CCDC178: variants seen among roughly 807,000 people sequenced by gnomAD.
The protein encoded by CCDC178 is coiled-coil domain-containing protein 178.
CCDC178 carries 126 observed loss-of-function variants against 117.4 expected under a neutral mutation model. That is an observed-to-expected ratio of 1.07 (90% CI 0.93 to 1.24). The LOEUF (loss-of-function observed/expected upper bound fraction) is 1.24, where lower values mean the gene tolerates loss of function less well. CCDC178 is among the 50% of genes most tolerant of loss of function. The probability of loss-of-function intolerance (pLI) is 0.00; values close to 1 mark genes in which losing one functional copy is unlikely to be tolerated. For synonymous variants in CCDC178, 283 were observed against 313.4 expected (o/e 0.90, Z 1.02); for missense variants, 1,030 against 986.9 (o/e 1.04, Z -0.59).
At chr18:33,187,492 C>T (rs2058811053) in intron 20 of CCDC178, among the ~76,000 whole-genome samples, 1 of 152,102 alleles carries the variant, frequency 6.6e-6, no homozygotes, top group Admixed American at 6.6e-5. Flanking sequence ...CAATACATCT[C>T]ATTCCTTCTA....
At chr18:33,150,724 T>C (rs2058331073) in intron 20 of CCDC178, among the ~76,000 whole-genome samples, 1 of 152,196 alleles carries the variant, frequency 6.6e-6, no homozygotes, top group African/African-American at 2.4e-5. Flanking sequence ...GAAAACAGTA[T>C]GGAGAAGCTT....
At chr18:33,045,302 G>A (rs1598822401) in intron 21 of CCDC178, among the ~76,000 whole-genome samples, 1 of 152,194 alleles carries the variant, frequency 6.6e-6, no homozygotes, top group East Asian at 1.9e-4. Context: ...CTTAATATAT[G>A]ACCTACCGTG....
chr18:33,256,052 T>TTAAG (rs10647732), intron 14 of CCDC178, among the ~76,000 whole-genome samples: 137,860 of 151,240 alleles, frequency 0.91, 62,953 homozygotes, highest in East Asian at 1. Context: ...TATTTTGCAC[T>TTAAG]TAAGATAAAT....
chr18:33,166,137 T>C (rs1325099306), intron 20 of CCDC178, among the ~76,000 whole-genome samples: 1 of 152,182 alleles, frequency 6.6e-6, no homozygotes, highest in Non-Finnish European at 1.5e-5. Context: ...AAATAGTTTA[T>C]AGGTCCTTCC....
chr18:33,290,688 T>C (rs1407733113), intron 12 of CCDC178, among the ~76,000 whole-genome samples: 1 of 152,092 alleles, frequency 6.6e-6, no homozygotes, highest in Non-Finnish European at 1.5e-5. Flanking sequence ...GGATTCACTA[T>C]AATAGATAAT....
intron 22 of CCDC178, among the ~76,000 whole-genome samples, chr18:32,971,573 G>C (rs1262068680): frequency 1.3e-5 from 2 of 152,106 alleles, no homozygotes; most frequent in African/African-American, 4.8e-5. Flanking sequence ...GGTATTTCCA[G>C]TTCTAGATCC....
chr18:33,296,590 T>A (rs1413430230), intron 11 of CCDC178, among the ~76,000 whole-genome samples: 1 of 152,068 alleles, frequency 6.6e-6, no homozygotes, highest in East Asian at 1.9e-4. Flanking sequence ...GAATAAAGAT[T>A]TAAAAAGCAA....
intron 20 of CCDC178, among the ~76,000 whole-genome samples, chr18:33,189,257 G>A (rs980803888): frequency 2.0e-5 from 3 of 152,144 alleles, no homozygotes; most frequent in African/African-American, 7.2e-5. Flanking sequence ...ACAATAACAA[G>A]ATGAGGGGTT....
chr18:33,197,625 C>CAAAA lies in CCDC178; in HGVS notation c.2238+14267_2238+14270dup, dbSNP rs35818550. Among the ~76,000 whole-genome samples the CAAAA allele has an allele frequency of 7.4e-3, 1,014 of 136,232 alleles. 4 individuals carry two copies. The highest frequency in any genetic ancestry group is 0.011 in the Non-Finnish European group (681 of 61,388). The allele number at this position is 136,232 out of a possible 152,430, so 89.4% of individuals were successfully genotyped here. On this transcript the variant is annotated intron_variant, in intron 20 of 22. Transcript: ENST00000383096. ...GGCCTACCACACTGGATTGCTTTAT[C>CAAAA]AAAAAAAAAAAAAAATACTTATGCT... is the stretch of plus-strand genomic sequence containing the variant.
intron 4 of CCDC178, among the ~76,000 whole-genome samples, chr18:33,394,971 A>ATG: frequency 7.4e-6 from 1 of 135,436 alleles, no homozygotes; most frequent in Non-Finnish European, 1.6e-5. Flanking sequence ...ATATATATAT[A>ATG]TATATATATA....
intron 22 of CCDC178, among the ~76,000 whole-genome samples, chr18:32,968,238 A>G (rs1344332812): frequency 1.3e-5 from 2 of 151,966 alleles, no homozygotes; most frequent in African/African-American, 4.8e-5. Context: ...GAATGAGATT[A>G]TGTGGTTATT....
At chr18:33,165,095 G>A (rs147332927) in intron 20 of CCDC178, among the ~76,000 whole-genome samples, 160 of 152,240 alleles carry the variant, frequency 1.1e-3, no homozygotes, top group African/African-American at 2.8e-3. Flanking sequence ...TCAATAGCAC[G>A]TACAATACTT....
chr18:33,088,991 G>C (rs1380955157), intron 21 of CCDC178, among the ~76,000 whole-genome samples: 1 of 151,934 alleles, frequency 6.6e-6, no homozygotes, highest in Non-Finnish European at 1.5e-5. Flanking sequence ...ATTTCTAAAG[G>C]CACTTCTAGT....
At chr18:33,319,503 C>T (rs891072707) in intron 11 of CCDC178, among the ~76,000 whole-genome samples, 10 of 152,062 alleles carry the variant, frequency 6.6e-5, no homozygotes, top group Non-Finnish European at 1.0e-4. Flanking sequence ...AATAAACATA[C>T]GTGTGCATGT....
At chr18:33,053,464 TTTC>T (rs2056778269) in intron 21 of CCDC178, among the ~76,000 whole-genome samples, 1 of 152,198 alleles carries the variant, frequency 6.6e-6, no homozygotes, top group African/African-American at 2.4e-5. Context: ...AAAACTGTAT[TTTC>T]TTCTTCATGA....
At chr18:33,060,861 G>T (rs926705006) in intron 21 of CCDC178, among the ~76,000 whole-genome samples, 1 of 151,892 alleles carries the variant, frequency 6.6e-6, no homozygotes, top group African/African-American at 2.4e-5. Context: ...TCAAAACAAG[G>T]CACAAAAGCA....
chr18:33,244,488 T>C (rs1050033297), intron 15 of CCDC178, among the ~76,000 whole-genome samples: 52 of 151,982 alleles, frequency 3.4e-4, no homozygotes, highest in African/African-American at 1.2e-3. Flanking sequence ...CATGCTATTC[T>C]CATGATAGTG....
intron 18 of CCDC178, among the ~76,000 whole-genome samples, chr18:33,222,294 T>TCCTTTCCTTCCTTCCTC (rs1240900107): frequency 6.7e-6 from 1 of 149,882 alleles, no homozygotes; most frequent in African/African-American, 2.5e-5. Context: ...CTTCCTTCCT[T>TCCTTTCCTTCCTTCCTC]CCTTTCCTTC....
intron 14 of CCDC178, among the ~76,000 whole-genome samples, chr18:33,260,453 C>G (rs2059730282): frequency 6.7e-6 from 1 of 150,346 alleles, no homozygotes; most frequent in Admixed American, 6.6e-5. Flanking sequence ...TTATATTTAT[C>G]ATTATATTAT....
Sources: allele counts gnomAD v4.1 joint callset (sites outside exome capture counted in the v4.1 genomes callset), GRCh38; gene constraint gnomAD v4.1.1; transcripts MANE v1.5; gene names NCBI Gene and HGNC (gene_info 2026-07-23, HGNC 2026-07-21).